The following PACRG variants were observed in gnomAD, a reference collection of about 807,000 sequenced individuals.
PACRG encodes parkin coregulated, also known as parkin coregulated gene protein.
A neutral mutation model predicts 29.7 loss-of-function variants in PACRG; 29 were observed. The observed-to-expected ratio is 0.98, with a 90% CI of 0.73 to 1.33. The LOEUF is 1.33. Ranked by LOEUF, PACRG falls within the 40% of genes most tolerant of loss-of-function variation. The probability of loss-of-function intolerance (pLI) is 0.00; values close to 1 mark genes in which losing one functional copy is unlikely to be tolerated. For synonymous variants in PACRG, 116 were observed against 118.7 expected, an observed-to-expected ratio of 0.98 and a Z score of 0.15; for missense variants, 279 against 316.2, an observed-to-expected ratio of 0.88 and a Z score of 0.89.
chr6:163,084,322 G>T (rs191788388), intron 3 of PACRG, among the ~76,000 whole-genome samples: 3 of 152,052 alleles, frequency 2.0e-5, no homozygotes, highest in Admixed American at 2.0e-4. Flanking sequence ...CAAAGGAAAA[G>T]AACTGTTTCA....
chr6:163,214,587 T>C (rs1781289725), intron 4 of PACRG, among the ~76,000 whole-genome samples: 1 of 152,034 alleles, frequency 6.6e-6, no homozygotes, highest in African/African-American at 2.4e-5. Context: ...AATTTTTATT[T>C]TGTTTTATTT....
intron 2 of PACRG, among the ~76,000 whole-genome samples, chr6:162,965,382 A>G (rs1251072206): frequency 6.6e-6 from 1 of 152,244 alleles, no homozygotes; most frequent in Non-Finnish European, 1.5e-5. Context: ...TTTATTTCTC[A>G]TAGCTCAGGA....
chr6:163,105,485 A>C (rs187167349), intron 4 of PACRG, among the ~76,000 whole-genome samples: 38 of 152,284 alleles, frequency 2.5e-4, no homozygotes, highest in African/African-American at 9.1e-4. Flanking sequence ...TTGAAGCTGC[A>C]AAGGTTTAAT....
intron 4 of PACRG, among the ~76,000 whole-genome samples, chr6:163,126,174 A>T (rs1010278105): frequency 7.2e-5 from 11 of 152,184 alleles, no homozygotes; most frequent in Non-Finnish European, 1.2e-4. Context: ...GGGATGATAA[A>T]TTTTTATTTC....
chr6:162,766,189 C>T, intron 1 of PACRG, among the ~76,000 whole-genome samples: 1 of 152,134 alleles, frequency 6.6e-6, no homozygotes, highest in East Asian at 1.9e-4. Context: ...CTATCTGAAA[C>T]TTTGTCCCCA....
chr6:163,219,694 C>T (rs62429977), intron 4 of PACRG, among the ~76,000 whole-genome samples: 23,510 of 151,574 alleles, frequency 0.16, 1,903 homozygotes, highest in African/African-American at 0.19. Context: ...CCTGAATTTC[C>T]CACCTGCCTC....
chr6:163,135,726 G>T (rs1465056930), intron 4 of PACRG, among the ~76,000 whole-genome samples: 1 of 152,164 alleles, frequency 6.6e-6, no homozygotes, highest in African/African-American at 2.4e-5. Flanking sequence ...TTTTCTACAT[G>T]TGGCCAAATG....
intron 2 of PACRG, among the ~76,000 whole-genome samples, chr6:162,833,117 T>C (rs552867522): frequency 1.7e-4 from 26 of 152,258 alleles, no homozygotes; most frequent in Admixed American, 8.5e-4. Context: ...CAACTAATAA[T>C]GAGGTGAGTT....
At chr6:163,228,625 T>G (rs1339626043) in intron 4 of PACRG, among the ~76,000 whole-genome samples, 1 of 152,196 alleles carries the variant, frequency 6.6e-6, no homozygotes, top group Non-Finnish European at 1.5e-5. Context: ...TTTTAAAACT[T>G]TCGGCAATAC....
chr6:163,264,343 C>T (rs137979114), intron 4 of PACRG, among the ~76,000 whole-genome samples: 67 of 152,328 alleles, frequency 4.4e-4, no homozygotes, highest in African/African-American at 1.5e-3. Context: ...CCCCACCAGC[C>T]TCCCGAGCTC....
chr6:163,208,168 C>A (rs898714991), intron 4 of PACRG, among the ~76,000 whole-genome samples: 2 of 152,196 alleles, frequency 1.3e-5, no homozygotes, highest in Non-Finnish European at 2.9e-5. Context: ...GCTTATATTG[C>A]ACAATCGAGT....
At position 163,247,575 on chromosome 6, in the gene PACRG, CCA is replaced by C. The variant is rs1401884086; in HGVS notation, c.614-67249_614-67248del. Among the ~76,000 whole-genome samples the C allele has an allele frequency of 2.0e-5, 3 of 152,112 alleles. No homozygotes were observed. The East Asian group carries it at 5.8e-4, about 29-fold the overall frequency. The stretch of plus-strand genomic sequence containing the variant: ...CTAACAATATTGAGCATTCCTTTGA[CCA>C]CAGTTTGATGAGGTCCCAGGAGCAC... On this transcript the variant is annotated intron_variant, in intron 4 of 4. Coordinates refer to ENST00000366888, the MANE Select transcript of PACRG (RefSeq NM_001080379.2).
chr6:162,764,301 C>G (rs907349617), intron 1 of PACRG, among the ~76,000 whole-genome samples: 1 of 151,724 alleles, frequency 6.6e-6, no homozygotes. Context: ...GGGAGTTGCT[C>G]CATATTATTG....
chr6:163,277,436 G>A lies in PACRG; in HGVS notation c.614-37391G>A, dbSNP rs185505888. Reference sequence around the variant, plus strand: ...AAGTTGCTGTGAATGTCGTTATTTCGTTCCTTTTTATGGCTGAGTAGTATC... The same window carrying A: ...AAGTTGCTGTGAATGTCGTTATTTCATTCCTTTTTATGGCTGAGTAGTATC... On this transcript the variant is annotated intron_variant, in intron 4 of 4. Coordinates refer to ENST00000366888, the MANE Select transcript of PACRG (RefSeq NM_001080379.2). Among the ~76,000 whole-genome samples the A allele has an allele frequency of 6.1e-4, 91 of 149,050 alleles. 2 individuals carry two copies. The East Asian group carries it at 0.016, about 26-fold the overall frequency.
chr6:163,193,894 T>C (rs973993946), intron 4 of PACRG, among the ~76,000 whole-genome samples: 9 of 81,456 alleles, frequency 1.1e-4, no homozygotes, highest in East Asian at 3.3e-4. Flanking sequence ...TTGTTTCTTT[T>C]TTTTTTTTTT....
intron 2 of PACRG, among the ~76,000 whole-genome samples, chr6:162,822,835 A>G (rs1313199625): frequency 6.6e-6 from 1 of 152,146 alleles, no homozygotes; most frequent in Non-Finnish European, 1.5e-5. Context: ...ACATCTTTGT[A>G]TTCTATTAAT....
intron 2 of PACRG, among the ~76,000 whole-genome samples, chr6:163,011,324 G>A (rs1215890305): frequency 1.3e-5 from 2 of 152,156 alleles, no homozygotes; most frequent in African/African-American, 4.8e-5. Flanking sequence ...GTAGCCGATT[G>A]CCCCCAGGAA....
chr6:162,771,024 C>A (rs765772071), intron 1 of PACRG, among the ~76,000 whole-genome samples: 3 of 151,826 alleles, frequency 2.0e-5, no homozygotes, highest in Non-Finnish European at 4.4e-5. Context: ...TTCAAATATT[C>A]CTGTTATAAC....
At chr6:163,306,793 A>G (rs1785210974) in intron 4 of PACRG, among the ~76,000 whole-genome samples, 2 of 152,246 alleles carry the variant, frequency 1.3e-5, no homozygotes, top group Non-Finnish European at 2.9e-5. Flanking sequence ...GTTGAAATAC[A>G]GGCATCCATT....
Sources: allele counts gnomAD v4.1 joint callset (sites outside exome capture counted in the v4.1 genomes callset), GRCh38; gene constraint gnomAD v4.1.1; transcripts MANE v1.5; gene names NCBI Gene and HGNC (gene_info 2026-07-23, HGNC 2026-07-21).